The following ZNF671 variants were observed in gnomAD, a reference collection of about 807,000 sequenced individuals.
ZNF671 encodes the protein zinc finger protein 671.
In ZNF671, 19 loss-of-function variants were observed where a neutral mutation model predicts 16.6. The ratio of observed to expected loss-of-function variants is 1.14; its 90% confidence interval spans 0.80 to 1.68. The LOEUF is 1.68. ZNF671 is among the 40% of genes most tolerant of loss of function. The pLI is 0.00. For missense variants in ZNF671, 637 were observed against 659.8 expected (o/e 0.97, Z 0.38); for synonymous variants, 238 against 236.3 (o/e 1.01, Z -0.06).
Position 57,723,278 on chromosome 19 carries a change from A to T in ZNF671, c.201T>A (p.Asp67Glu). The change falls in exon 2 of 4, where the codon GAT becomes GAA. Residue 67 changes from aspartate to glutamate, a missense_variant. Transcript: ENST00000317398. ...YFSREEWELL[D>E]DAQRLLYHDV... ...CATGGTACAAAAGTCTCTGAGCATC[A>T]TCAAGAAGCTCCCATTCTTCCCGAG... 6.2e-7 allele frequency: 1 copy of T among 1,613,930 alleles called. No individual in the cohort carries two copies. Among genetic ancestry groups the T allele is most frequent in the Non-Finnish European group, 8.5e-7 (1 of 1,179,860 alleles).
intron 3 of ZNF671, 51 bp from the exon 4 acceptor site, chr19:57,721,748 G>A (rs2122457232): frequency 6.3e-7 from 1 of 1,574,990 alleles, no homozygotes; most frequent in Non-Finnish European, 8.6e-7. Context: ...GTGGGAAGGG[G>A]CAACCTCATT....
chr19:57,722,718 A>G (rs1985920402), intron 2 of ZNF671, among the ~76,000 whole-genome samples: 1 of 152,094 alleles, frequency 6.6e-6, no homozygotes, highest in Non-Finnish European at 1.5e-5. Flanking sequence ...CCTGGGCAAC[A>G]TGGCAAAACC....
Position 57,719,959 on chromosome 19 carries a change from G to A in ZNF671, c.*522C>T, listed in dbSNP as rs1274174207. 6.3e-6 allele frequency: 1 copy of A among 158,632 alleles called. No individual in the cohort carries two copies. Among genetic ancestry groups the A allele is most frequent in the African/African-American group, 2.4e-5 (1 of 41,490 alleles). 9.8% of individuals were successfully genotyped at this position (158,632 alleles called of 1,614,324 possible). ...CCATGCCATTTACATCAAAAGAGAG[G>A]AAATTAAGACCCCTAGTGGGCTGTG... On this transcript the variant is annotated 3_prime_UTR_variant, in exon 4 of 4. Coordinates refer to ENST00000317398, the MANE Select transcript of ZNF671 (RefSeq NM_024833.3).
Position 57,723,292 on chromosome 19 carries a change from A to G in ZNF671, c.187T>C (p.Trp63Arg), listed in dbSNP as rs1409805867. 6.2e-7 allele frequency: 1 copy of G among 1,613,852 alleles called. No individual in the cohort carries two copies. Among genetic ancestry groups the G allele is most frequent in the Non-Finnish European group, 8.5e-7 (1 of 1,179,810 alleles). Residue 63 changes from tryptophan to arginine, a missense_variant, in exon 2 of 4, where the codon TGG (tryptophan) becomes CGG (arginine). Transcript: ENST00000317398. ...CTCTGAGCATCATCAAGAAGCTCCC[A>G]TTCTTCCCGAGAGAAGTATACAAAC... Reference protein sequence around the residue: ...DVFVYFSREEWELLDDAQRLL... With the variant: ...DVFVYFSREERELLDDAQRLL...
At chr19:57,722,522 C>G in intron 2 of ZNF671, 84 bp from the exon 3 acceptor site, 2 of 1,575,798 alleles carry the variant, frequency 1.3e-6, no homozygotes, top group South Asian at 2.3e-5. Flanking sequence ...AGAAAAATAA[C>G]CTGGGAGGAG....
intron 1 of ZNF671, chr19:57,727,043 C>T (rs1484743450): frequency 1.9e-5 from 4 of 212,296 alleles, no homozygotes; most frequent in African/African-American, 9.2e-5. Flanking sequence ...AATTTCGAGA[C>T]ACTTAAAATC....
chr19:57,721,325 G>A lies in ZNF671; in HGVS notation c.761C>T (p.Ser254Phe), dbSNP rs201945323. ...AGAGGCCTGATGCTGAAGAAGGCCAGATGTGGCTGAAAAGTCTCTCCTACC... is the reference window on the plus strand; with the variant it reads ...AGAGGCCTGATGCTGAAGAAGGCCAAATGTGGCTGAAAAGTCTCTCCTACC... ...GKGRRDFSAT[S>F]GLLQHQASLS... is the part of the protein sequence containing the mutation. The change falls in exon 4 of 4, where the codon TCT (serine) becomes TTT (phenylalanine). Residue 254 changes from serine to phenylalanine, a missense_variant. By Grantham distance (155) the Ser-to-Phe change is radical (BLOSUM62 -2). Coordinates refer to ENST00000317398, the MANE Select transcript of ZNF671 (RefSeq NM_024833.3). 2.5e-5 allele frequency: 40 copies of A among 1,605,734 alleles called. No individual in the cohort carries two copies. Among genetic ancestry groups the A allele is most frequent in the Non-Finnish European group, 3.2e-5 (37 of 1,174,368 alleles).
At chr19:57,722,850 A>G (rs1544358) in intron 2 of ZNF671, among the ~76,000 whole-genome samples, 99,457 of 151,688 alleles carry the variant, frequency 0.66, 34,630 homozygotes, top group African/African-American at 0.9. Flanking sequence ...AGCTGAGATC[A>G]TGCCACTGCA....
At chr19:57,724,891 C>T (rs1051595999) in intron 1 of ZNF671, among the ~76,000 whole-genome samples, 8 of 152,152 alleles carry the variant, frequency 5.3e-5, no homozygotes, top group African/African-American at 1.9e-4. Context: ...AATACCCATG[C>T]TCAGCTGCAT....
At chr19:57,726,079 C>G (rs1008517070) in intron 1 of ZNF671, among the ~76,000 whole-genome samples, 9 of 144,548 alleles carry the variant, frequency 6.2e-5, no homozygotes, top group African/African-American at 1.8e-4. Flanking sequence ...GAACGTCCCC[C>G]CCACTCCCCC....
At position 57,723,451 on chromosome 19, in the gene ZNF671, TACC is replaced by T. The variant is rs577331981; in HGVS notation, c.139-114_139-112del. On this transcript the variant is annotated intron_variant, in intron 1 of 3. Transcript: ENST00000317398. The stretch of plus-strand genomic sequence containing the variant: ...ACCTCCCAGGTTCCCAAGTCAGAGA[TACC>T]AGGCACTAGTACCACTGATCCTCAC... 5.5e-6 allele frequency: 7 copies of T among 1,282,720 alleles called. No homozygotes were observed. The South Asian group carries it at 1.0e-4, about 19-fold the overall frequency. The allele number at this position is 1,282,720 out of a possible 1,614,324, so 79.5% of individuals were successfully genotyped here.
chr19:57,722,213 C>T, intron 3 of ZNF671, 103 bp downstream of exon 3: 1 of 1,525,274 alleles, frequency 6.6e-7, no homozygotes. Context: ...GATAGAAACG[C>T]TGTGTGGCCA....
In ZNF671 at chr19:57,721,448, T is replaced by C; in HGVS notation, c.638A>G (p.Gln213Arg). The change falls in exon 4 of 4, where the codon CAG becomes CGG. Residue 213 changes from glutamine (Q) to arginine (R), a missense_variant. Coordinates refer to ENST00000317398, the MANE Select transcript of ZNF671 (RefSeq NM_024833.3). The stretch of plus-strand genomic sequence containing the variant: ...TGGGAAAAGTTTCCCTCCATTGGGC[T>C]GGTTCTGGTGCTGGTCAAAGTCTGT... ...FSTDFDQHQN[Q>R]PNGGKLFPRK... 1 of 1,614,270 alleles carries C rather than the reference T, an allele frequency of 6.2e-7. No individual in the cohort carries two copies. Among genetic ancestry groups the C allele is most frequent in the Non-Finnish European group, 8.5e-7 (1 of 1,180,048 alleles).
chr19:57,725,552 C>T (rs904227509), intron 1 of ZNF671, among the ~76,000 whole-genome samples: 5 of 152,016 alleles, frequency 3.3e-5, no homozygotes, highest in Admixed American at 1.3e-4. Context: ...ACTGCTTGAA[C>T]CCAGGAGACA....
At position 57,721,247 on chromosome 19, in the gene ZNF671, A is replaced by T; in HGVS notation, c.839T>A (p.Met280Lys). The change falls in exon 4 of 4, where the codon ATG (methionine) becomes AAG (lysine). Residue 280 changes from methionine (M) to lysine (K), a missense_variant. Transcript: ENST00000317398. ...ACCACACCTGTGATACCTCTGTCCCATGAGAAAGCCACTCACAAGCTTAGT... is the reference window on the plus strand; with the variant it reads ...ACCACACCTGTGATACCTCTGTCCCTTGAGAAAGCCACTCACAAGCTTAGT... ...KSTKLVSGFL[M>K]GQRYHRCGEC... The T allele has an allele frequency of 6.3e-7, 1 of 1,594,710 alleles. No homozygotes were observed. Among genetic ancestry groups the T allele is most frequent in the Non-Finnish European group, 8.6e-7 (1 of 1,168,760 alleles).
Position 57,720,976 on chromosome 19 carries a change from C to A in ZNF671, c.1110G>T (p.Gln370His). ...RRVHTGERLY[Q>H]CGKCGKFFSS... ...TAAAAAATTTCCCACATTTGCCACA[C>A]TGATAGAGTCTTTCACCCGTGTGAA... Residue 370 changes from glutamine to histidine, a missense_variant, in exon 4 of 4, where the codon CAG becomes CAT. Gln to His is a conservative substitution (Grantham distance 24). Transcript: ENST00000317398. The A allele has an allele frequency of 6.2e-7, 1 of 1,614,222 alleles. No individual in the cohort carries two copies.
In ZNF671 at chr19:57,720,376, G is replaced by T; in HGVS notation, c.*105C>A. The T allele has an allele frequency of 6.8e-7, 1 of 1,462,654 alleles. No homozygotes were observed. The highest frequency in any genetic ancestry group is 9.2e-7 in the Non-Finnish European group (1 of 1,090,420). The allele number at this position is 1,462,654 out of a possible 1,614,324, so 90.6% of individuals were successfully genotyped here. A position where few individuals can be genotyped will look rare whatever the true frequency, so the allele number is the denominator to read the frequency against. On this transcript the variant is annotated 3_prime_UTR_variant, in exon 4 of 4. Transcript: ENST00000317398. Reference sequence around the variant, plus strand: ...GGCGGGTAAGGTTCAGCCTCCAGGGGAAGGCTTTCCTGCATCTGCTGCACT... The same window carrying T: ...GGCGGGTAAGGTTCAGCCTCCAGGGTAAGGCTTTCCTGCATCTGCTGCACT...
At chr19:57,724,129 A>G (rs368520408) in intron 1 of ZNF671, among the ~76,000 whole-genome samples, 1 of 151,716 alleles carries the variant, frequency 6.6e-6, no homozygotes, top group Non-Finnish European at 1.5e-5. Context: ...GGAAAGCCCT[A>G]TTGTTGCTCT....
intron 2 of ZNF671, 40 bp from the exon 3 acceptor site, chr19:57,722,478 C>T (rs1985915459): frequency 6.8e-6 from 11 of 1,607,764 alleles, no homozygotes; most frequent in Non-Finnish European, 9.3e-6. Flanking sequence ...CAGCACTGGC[C>T]CATGGCAAAC....
Sources: allele counts gnomAD v4.1 joint callset (sites outside exome capture counted in the v4.1 genomes callset), GRCh38; gene constraint gnomAD v4.1.1; transcripts MANE v1.5; gene names NCBI Gene and HGNC (gene_info 2026-07-23, HGNC 2026-07-21).